The following VPS37B variants were observed in gnomAD, a reference collection of about 807,000 sequenced individuals.
VPS37B encodes VPS37B subunit of ESCRT-I.
Under a neutral mutation model 21.2 loss-of-function variants are expected in VPS37B, and 11 were observed. The ratio of observed to expected loss-of-function variants is 0.52; its 90% CI spans 0.33 to 0.86. The LOEUF is 0.86. VPS37B is among the 40% of genes least tolerant of loss of function. The pLI is 0.03. For synonymous variants in VPS37B, 175 were observed against 159.6 expected (o/e 1.10, Z -0.73); for missense variants, 389 against 374.8 (o/e 1.04, Z -0.31).
In VPS37B at chr12:122,867,163, G is replaced by T. The variant is rs1212690763; in HGVS notation, c.811C>A (p.Pro271Thr). 1.3e-6 allele frequency: 2 copies of T among 1,555,322 alleles called. No individual in the cohort carries two copies. The highest frequency in any genetic ancestry group is 4.5e-5 in the East Asian group (2 of 44,652). Reference protein sequence around the residue: ...SPYPPPLPQRPPPRLPPHQPG... With the variant: ...SPYPPPLPQRTPPRLPPHQPG... ...TGGTGTGGAGGGAGCCGGGGCGGGG[G>T]TCTCTGAGGGAGAGGTGGCGGATAT... Residue 271 changes from proline (P) to threonine (T), a missense_variant, in exon 4 of 4, where the codon CCC becomes ACC. Coordinates refer to ENST00000267202, the MANE Select transcript of VPS37B (RefSeq NM_024667.3). This position sits in a 1 kb window ranked among gnomAD's most constrained non-coding sequence, Gnocchi z 5.5.
chr12:122,872,199 TCACACGAGTG>T, intron 1 of VPS37B: 1 of 985,356 alleles, frequency 1.0e-6, no homozygotes, highest in Non-Finnish European at 1.2e-6. Context: ...CCTGGTGCGC[TCACACGAGTG>T]CACACGCACC....
In VPS37B at chr12:122,867,001, C is replaced by T. The variant is rs553960730; in HGVS notation, c.*115G>A. On this transcript the variant is annotated 3_prime_UTR_variant, in exon 4 of 4. Transcript: ENST00000267202. The surrounding 1 kb of genome is among the most constrained non-coding windows in gnomAD (Gnocchi z 5.5). ...CTACAGTTCTAAAATCAGACAGACACGCTGGCCCAGGGCCCCAGAGCCCTT... is the reference window on the plus strand; with the variant it reads ...CTACAGTTCTAAAATCAGACAGACATGCTGGCCCAGGGCCCCAGAGCCCTT... The T allele has an allele frequency of 2.5e-5, 33 of 1,316,798 alleles. No individual in the cohort carries two copies. The highest frequency in any genetic ancestry group is 2.7e-4 in the Middle Eastern group (1 of 3,648). 81.6% of individuals were successfully genotyped at this position (1,316,798 alleles called of 1,614,324 possible). A position where few individuals can be genotyped will look rare whatever the true frequency, so the allele number is the denominator to read the frequency against.
intron 1 of VPS37B, chr12:122,888,214 A>G (rs1226341782): frequency 5.4e-6 from 1 of 185,822 alleles, no homozygotes; most frequent in African/African-American, 2.3e-5. Flanking sequence ...TACGTTCCTC[A>G]CAATCCCTTG....
chr12:122,872,513 A>T, intron 1 of VPS37B: 1 of 985,424 alleles, frequency 1.0e-6, no homozygotes, highest in Admixed American at 6.1e-5. Context: ...TGCCTTTAGC[A>T]AAAAAGGAGA....
intron 1 of VPS37B, among the ~76,000 whole-genome samples, chr12:122,894,866 G>A (rs552311942): frequency 6.6e-6 from 1 of 152,286 alleles, no homozygotes; most frequent in South Asian, 2.1e-4. Flanking sequence ...GGTGAGGGTT[G>A]GCAGCCAGCC....
At chr12:122,894,835 G>C (rs1474787861) in intron 1 of VPS37B, among the ~76,000 whole-genome samples, 4 of 152,172 alleles carry the variant, frequency 2.6e-5, no homozygotes, top group Non-Finnish European at 5.9e-5. Context: ...TCCAGGGGCT[G>C]GGCAAGGCTT....
At chr12:122,877,404 C>T (rs1189320664) in intron 1 of VPS37B, 1 of 152,070 alleles carries the variant, frequency 6.6e-6, no homozygotes. Context: ...TTTTTTGAGA[C>T]AGGGTCTTGT....
Position 122,868,685 on chromosome 12 carries a change from C to T in VPS37B, c.284-123G>A, listed in dbSNP as rs767322168. ...AGCTGAATGTGAAAGGCTTGAAAAC[C>T]TACAGGGGAACAAGTGCACCAAGCC... On this transcript the variant is annotated intron_variant, in intron 2 of 3. Transcript: ENST00000267202. The surrounding 1 kb of genome is among the most constrained non-coding windows in gnomAD (Gnocchi z 5.5). The T allele has an allele frequency of 3.5e-6, 3 of 849,590 alleles. No individual in the cohort carries two copies. The South Asian group carries it at 4.6e-5, about 13-fold the overall frequency. The allele number at this position is 849,590 out of a possible 1,614,324, so 52.6% of individuals were successfully genotyped here.
intron 2 of VPS37B, among the ~76,000 whole-genome samples, chr12:122,869,051 C>G (rs2033967777): frequency 6.6e-6 from 1 of 152,182 alleles, no homozygotes; most frequent in African/African-American, 2.4e-5. Flanking sequence ...TCAGAGAGTA[C>G]AGGTCATACT....
rs1250978175 is a variant in VPS37B at position 122,867,516 on chromosome 12, C to T, written c.458G>A (p.Arg153Gln). The T allele has an allele frequency of 4.3e-6, 7 of 1,614,042 alleles. No homozygotes were observed. Among genetic ancestry groups the T allele is most frequent in the South Asian group, 1.1e-5 (1 of 91,086 alleles). ...CTCCTGGAGCTTCTCGATTTTCACC[C>T]GTCGCATGTGGGCCAGTTTCCGTTT... ...QSKRKLAHMR[R>Q]VKIEKLQEMV... The change falls in exon 4 of 4, where the codon CGG becomes CAG. Residue 153 changes from arginine (R) to glutamine (Q), a missense_variant. By Grantham distance (43) the Arg-to-Gln change is conservative (BLOSUM62 1). Transcript: ENST00000267202. The surrounding 1 kb of genome is among the most constrained non-coding windows in gnomAD (Gnocchi z 5.5).
At chr12:122,872,612 C>T in intron 1 of VPS37B, 9 of 985,466 alleles carry the variant, frequency 9.1e-6, no homozygotes, top group Non-Finnish European at 1.1e-5. Flanking sequence ...CAGGGCGGCT[C>T]TCCATGGGCT....
chr12:122,893,709 AG>A (rs151074768), intron 1 of VPS37B, among the ~76,000 whole-genome samples: 10,561 of 152,062 alleles, frequency 0.069, 1,189 homozygotes, highest in African/African-American at 0.24. Flanking sequence ...CACTACACCC[AG>A]AAAAGCAAAC....
chr12:122,878,730 A>AG (rs1399551017), intron 1 of VPS37B: 6 of 139,834 alleles, frequency 4.3e-5, no homozygotes, highest in Admixed American at 2.4e-4. Flanking sequence ...TCCGCCTCCC[A>AG]GGTTCAAGCG....
intron 1 of VPS37B, chr12:122,872,180 G>A (rs1329989788): frequency 4.1e-6 from 4 of 985,376 alleles, no homozygotes; most frequent in African/African-American, 3.5e-5. Context: ...GTTGATTGCT[G>A]TCATAGTTCC....
At chr12:122,889,178 ATG>A (rs1440418215) in intron 1 of VPS37B, 1 of 152,704 alleles carries the variant, frequency 6.5e-6, no homozygotes, top group Admixed American at 6.5e-5. Flanking sequence ...GACTTACAAA[ATG>A]TGTGTCAAGT....
At chr12:122,872,291 G>T in intron 1 of VPS37B, 2 of 985,412 alleles carry the variant, frequency 2.0e-6, no homozygotes, top group Non-Finnish European at 2.4e-6. Flanking sequence ...CCTCAATCAG[G>T]AGATCCCTAA....
At position 122,868,354 on chromosome 12, in the gene VPS37B, C is replaced by T; in HGVS notation, c.366+126G>A. On this transcript the variant is annotated intron_variant, in intron 3 of 3. Coordinates refer to ENST00000267202, the MANE Select transcript of VPS37B (RefSeq NM_024667.3). The surrounding 1 kb of genome is among the most constrained non-coding windows in gnomAD (Gnocchi z 5.5). ...ACAGGCCAGGCTGCCTGCTGGTATACAGCCCGTACACCTGGGAGGCACCAC... is the reference window on the plus strand; with the variant it reads ...ACAGGCCAGGCTGCCTGCTGGTATATAGCCCGTACACCTGGGAGGCACCAC... The T allele has an allele frequency of 2.4e-6, 2 of 838,688 alleles. No homozygotes were observed. Among genetic ancestry groups the T allele is most frequent in the Admixed American group, 2.2e-5 (1 of 45,924 alleles). The allele number at this position is 838,688 out of a possible 1,614,324, so 52.0% of individuals were successfully genotyped here.
intron 1 of VPS37B, among the ~76,000 whole-genome samples, chr12:122,890,821 T>C (rs2034401554): frequency 6.6e-6 from 1 of 152,210 alleles, no homozygotes; most frequent in South Asian, 2.1e-4. Context: ...CCTCTTGTAT[T>C]GTAGACATTT....
chr12:122,868,399 GCACT>G lies in VPS37B; in HGVS notation c.366+77_366+80del. 1 of 1,309,480 alleles carries G rather than the reference GCACT, an allele frequency of 7.6e-7. No homozygotes were observed. Among genetic ancestry groups the G allele is most frequent in the Non-Finnish European group, 1.1e-6 (1 of 924,220 alleles). 81.1% of individuals were successfully genotyped at this position (1,309,480 alleles called of 1,614,324 possible). A position where few individuals can be genotyped will look rare whatever the true frequency, so the allele number is the denominator to read the frequency against. ...CACCACTCCTGGCCGTGGCGGTGTGGCACTCACGGTCCCTGGAGGCAGCGGGCCC... is the reference window on the plus strand; with the variant it reads ...CACCACTCCTGGCCGTGGCGGTGTGGCACGGTCCCTGGAGGCAGCGGGCCC... On this transcript the variant is annotated intron_variant, in intron 3 of 3. Transcript: ENST00000267202. The surrounding 1 kb of genome is among the most constrained non-coding windows in gnomAD (Gnocchi z 5.5).
Sources: gnomAD v4.1 joint callset for allele counts (sites outside exome capture counted in the v4.1 genomes callset) on GRCh38, gnomAD v4.1.1 for gene constraint, Gnocchi (gnomAD v3.1) non-coding constraint, MANE v1.5 for transcripts, NCBI Gene and HGNC (gene_info 2026-07-23, HGNC 2026-07-21) for gene names.